The following ICA1L variants were observed in gnomAD, a reference collection of about 807,000 sequenced individuals.
The protein encoded by ICA1L is islet cell autoantigen 1-like protein.
ICA1L carries 50 observed loss-of-function variants against 61.3 expected under a neutral mutation model. The ratio of observed to expected loss-of-function variants is 0.82; its 90% CI spans 0.65 to 1.03. ICA1L has a LOEUF of 1.03. Ranked by LOEUF, ICA1L falls within the 50% of genes least tolerant of loss-of-function variation. The pLI, the probability that ICA1L is intolerant of heterozygous loss-of-function variation, is 0.00. For missense variants in ICA1L, 508 were observed against 556.7 expected (o/e 0.91, Z 0.88); for synonymous variants, 161 against 191.3 (o/e 0.84, Z 1.31).
At chr2:202,848,184 A>G (rs1221925222) in intron 1 of ICA1L, among the ~76,000 whole-genome samples, 3 of 152,142 alleles carry the variant, frequency 2.0e-5, no homozygotes, top group Non-Finnish European at 4.4e-5. Flanking sequence ...GCTGGTCTCG[A>G]ACTCCTGACC....
Position 202,774,255 on chromosome 2 carries a change from C to G in ICA1L, c.*5278G>C. Reference sequence around the variant, plus strand: ...TCCTGAGTCTTCTCGCTCCTGTCGGCCAAAGGCCGTGACCCCGACGCGTGC... The same window carrying G: ...TCCTGAGTCTTCTCGCTCCTGTCGGGCAAAGGCCGTGACCCCGACGCGTGC... On this transcript the variant is annotated 3_prime_UTR_variant, in exon 13 of 13. Transcript: ENST00000358299. 5.2e-6 allele frequency: 8 copies of G among 1,546,046 alleles called. No homozygotes were observed. Among genetic ancestry groups the G allele is most frequent in the Non-Finnish European group, 7.0e-6 (8 of 1,145,626 alleles).
At chr2:202,830,991 AATAAAG>A (rs1694001726) in intron 1 of ICA1L, among the ~76,000 whole-genome samples, 1 of 152,230 alleles carries the variant, frequency 6.6e-6, no homozygotes, top group Non-Finnish European at 1.5e-5. Context: ...CAAAGATAAA[AATAAAG>A]ATATGAGTTA....
At chr2:202,825,485 C>A in intron 3 of ICA1L, 1 of 1,282,176 alleles carries the variant, frequency 7.8e-7, no homozygotes. Flanking sequence ...AAAAAAATAT[C>A]AGCAAAAAAT....
intron 3 of ICA1L, among the ~76,000 whole-genome samples, chr2:202,824,029 C>T (rs1693767440): frequency 6.6e-6 from 1 of 152,142 alleles, no homozygotes; most frequent in Non-Finnish European, 1.5e-5. Context: ...ATTATTGATT[C>T]ATTGAAATCA....
intron 11 of ICA1L, chr2:202,786,779 T>C (rs1202210325): frequency 4.4e-6 from 2 of 450,416 alleles, no homozygotes; most frequent in South Asian, 3.2e-5. Context: ...GCATTATCTG[T>C]AATAATGAAC....
intron 9 of ICA1L, among the ~76,000 whole-genome samples, chr2:202,799,165 T>C (rs868172586): frequency 6.6e-6 from 1 of 152,220 alleles, no homozygotes; most frequent in Non-Finnish European, 1.5e-5. Flanking sequence ...GATCAAATAA[T>C]TATATTTTTA....
chr2:202,837,788 C>T (rs868366465), intron 1 of ICA1L, among the ~76,000 whole-genome samples: 20 of 151,556 alleles, frequency 1.3e-4, no homozygotes, highest in Non-Finnish European at 1.0e-4. Flanking sequence ...CTTCTCTCTT[C>T]GAACTTCTTT....
At chr2:202,826,541 G>A (rs971846321) in intron 2 of ICA1L, among the ~76,000 whole-genome samples, 2 of 152,046 alleles carry the variant, frequency 1.3e-5, no homozygotes, top group African/African-American at 4.8e-5. Flanking sequence ...GTGCAATCTC[G>A]GCTCACTGCA....
chr2:202,821,661 T>C (rs567220485), intron 3 of ICA1L, 180 bp from the exon 4 acceptor site: 7 of 446,550 alleles, frequency 1.6e-5, no homozygotes, highest in African/African-American at 6.2e-5. Flanking sequence ...CTACTTTCCA[T>C]AGGTCTAGGG....
intron 1 of ICA1L, among the ~76,000 whole-genome samples, chr2:202,859,134 A>G (rs938742382): frequency 6.6e-6 from 1 of 152,178 alleles, no homozygotes. Context: ...GCCTTACTAC[A>G]ATTATTAAGG....
At chr2:202,829,701 GATTA>G (rs1435116545) in intron 1 of ICA1L, among the ~76,000 whole-genome samples, 2 of 152,048 alleles carry the variant, frequency 1.3e-5, no homozygotes, top group African/African-American at 4.8e-5. Context: ...ACAGGCAAAA[GATTA>G]ATTATATTTA....
chr2:202,797,307 G>A (rs953792358), intron 9 of ICA1L, among the ~76,000 whole-genome samples: 2 of 151,964 alleles, frequency 1.3e-5, no homozygotes, highest in Non-Finnish European at 2.9e-5. Flanking sequence ...TTTTATACTT[G>A]TTCTGCCTGA....
In ICA1L at chr2:202,774,569, G is replaced by A. The variant is rs1290458021; in HGVS notation, c.*4964C>T. 2.9e-6 allele frequency: 1 copy of A among 339,054 alleles called. No individual in the cohort carries two copies. Among genetic ancestry groups the A allele is most frequent in the African/African-American group, 2.2e-5 (1 of 45,556 alleles). 21.0% of individuals were successfully genotyped at this position (339,054 alleles called of 1,614,324 possible). A position where few individuals can be genotyped will look rare whatever the true frequency, so the allele number is the denominator to read the frequency against. Reference sequence around the variant, plus strand: ...AAAAAAAGTTGTAATATACTCACAGGTCCTAGAGAGACCAGTCACTGCATG... The same window carrying A: ...AAAAAAAGTTGTAATATACTCACAGATCCTAGAGAGACCAGTCACTGCATG... On this transcript the variant is annotated 3_prime_UTR_variant, in exon 13 of 13. Coordinates refer to ENST00000358299, the MANE Select transcript of ICA1L (RefSeq NM_001288622.3).
chr2:202,838,327 T>C (rs1214555754), intron 1 of ICA1L, among the ~76,000 whole-genome samples: 1 of 152,220 alleles, frequency 6.6e-6, no homozygotes, highest in Admixed American at 6.5e-5. Flanking sequence ...TTTTTAAGAC[T>C]TATATTGTGG....
At chr2:202,835,154 T>C (rs1420608720) in intron 1 of ICA1L, among the ~76,000 whole-genome samples, 1 of 151,970 alleles carries the variant, frequency 6.6e-6, no homozygotes, top group Non-Finnish European at 1.5e-5. Flanking sequence ...TTAAATTTAT[T>C]CCTAAGTATT....
At chr2:202,863,699 C>T (rs1409007641) in intron 1 of ICA1L, among the ~76,000 whole-genome samples, 3 of 151,430 alleles carry the variant, frequency 2.0e-5, no homozygotes, top group Non-Finnish European at 2.9e-5. Flanking sequence ...TGGTGGTGGG[C>T]GCCTGTAGTC....
At chr2:202,853,877 G>C (rs190537816) in intron 1 of ICA1L, among the ~76,000 whole-genome samples, 41 of 152,176 alleles carry the variant, frequency 2.7e-4, no homozygotes, top group African/African-American at 9.4e-4. Flanking sequence ...TGCCTTACGA[G>C]AGCTCCTGAA....
intron 12 of ICA1L, among the ~76,000 whole-genome samples, chr2:202,779,984 T>G (rs1692349093): frequency 6.6e-6 from 1 of 151,988 alleles, no homozygotes; most frequent in South Asian, 2.1e-4. Flanking sequence ...AACTTGTGCT[T>G]TGATGAGGTG....
At chr2:202,791,189 G>T (rs973525848) in intron 10 of ICA1L, among the ~76,000 whole-genome samples, 1 of 152,168 alleles carries the variant, frequency 6.6e-6, no homozygotes, top group African/African-American at 2.4e-5. Flanking sequence ...AATGAGTCCA[G>T]ATTTGATTGG....
Sources: gnomAD v4.1 joint callset for allele counts (sites outside exome capture counted in the v4.1 genomes callset) on GRCh38, gnomAD v4.1.1 for gene constraint, MANE v1.5 for transcripts, NCBI Gene and HGNC (gene_info 2026-07-23, HGNC 2026-07-21) for gene names.